Variants in PRKN observed in about 807,000 individuals in gnomAD.
PRKN encodes the protein parkin RBR E3 ubiquitin protein ligase.
In PRKN, 56 loss-of-function variants were observed where a neutral mutation model predicts 59.5. That is an observed-to-expected ratio of 0.94 (90% confidence interval 0.76 to 1.18). The LOEUF is 1.18. PRKN is among the 50% of genes most tolerant of loss of function. PRKN has a pLI of 0.00. For missense variants in PRKN, 657 were observed against 596.4 expected (o/e 1.10, Z -1.06); for synonymous variants, 250 against 222.1 (o/e 1.13, Z -1.12).
chr6:162,366,714 T>C (rs12206724), intron 2 of PRKN, among the ~76,000 whole-genome samples: 43,370 of 151,712 alleles, frequency 0.29, 6,364 homozygotes, highest in African/African-American at 0.31. Context: ...GAGACCAGCC[T>C]GACCAACATG....
chr6:161,598,284 C>A (rs139801368), intron 7 of PRKN, among the ~76,000 whole-genome samples: 2 of 152,184 alleles, frequency 1.3e-5, no homozygotes, highest in Admixed American at 1.3e-4. Context: ...GATGTATACA[C>A]GACAAACTTG....
At chr6:162,711,198 T>C (rs534798489) in intron 1 of PRKN, among the ~76,000 whole-genome samples, 1 of 152,340 alleles carries the variant, frequency 6.6e-6, no homozygotes, top group East Asian at 1.9e-4. Flanking sequence ...ACCAGGCATT[T>C]CATATTTTAC....
Position 161,529,754 on chromosome 6 carries a change from T to C in PRKN, c.1083+19100A>G, listed in dbSNP as rs954826374. ...GATTTATAAACATTATTGGTACAAC[T>C]GATTTTTGTCTCTGGCTGGAAAATT... On this transcript the variant is annotated intron_variant, in intron 9 of 11. Transcript: ENST00000366898. This position sits in a 1 kb window ranked among gnomAD's most constrained non-coding sequence, Gnocchi z 4.4. Among the ~76,000 whole-genome samples the C allele has an allele frequency of 6.6e-6, 1 of 152,246 alleles. No individual in the cohort carries two copies. The highest frequency in any genetic ancestry group is 2.4e-5 in the African/African-American group (1 of 41,470).
intron 9 of PRKN, among the ~76,000 whole-genome samples, chr6:161,426,755 G>C (rs1490883289): frequency 6.6e-6 from 1 of 151,430 alleles, no homozygotes; most frequent in Non-Finnish European, 1.5e-5. Flanking sequence ...GTCTCGCTCT[G>C]TCACCCAGGC....
At chr6:161,374,938 C>G (rs1303780257) in intron 10 of PRKN, among the ~76,000 whole-genome samples, 1 of 152,126 alleles carries the variant, frequency 6.6e-6, no homozygotes, top group African/African-American at 2.4e-5. Context: ...CCTCTGGAAT[C>G]CAAAAGCCTT....
chr6:161,866,081 G>A lies in PRKN; in HGVS notation c.735-80173C>T, dbSNP rs76764436. 9.2e-3 allele frequency among the ~76,000 whole-genome samples: 1,398 copies of A among 152,172 alleles called. 40 individuals carry two copies. In the East Asian group the frequency reaches 0.11, roughly 12 times the overall value. ...TTGTTGTATCTCTGGGATTAGGGAGGCCCAAGGGTGGGGAGAGAGATGTGG... is the reference window on the plus strand; with the variant it reads ...TTGTTGTATCTCTGGGATTAGGGAGACCCAAGGGTGGGGAGAGAGATGTGG... On this transcript the variant is annotated intron_variant, in intron 6 of 11. Coordinates refer to ENST00000366898, the MANE Select transcript of PRKN (RefSeq NM_004562.3).
rs563630079 is a variant in PRKN, at chr6:161,560,237, C to T, written c.933+9118G>A. Among the ~76,000 whole-genome samples, 164 of 152,276 alleles carry T rather than the reference C, an allele frequency of 1.1e-3. No homozygotes were observed. The highest frequency in any genetic ancestry group is 2.2e-3 in the Non-Finnish European group (148 of 68,020). ...TATAATCAGCCTTTTGAAAGGTTTC[C>T]CTGTCCACACTGACTTAACTGAAAC... On this transcript the variant is annotated intron_variant, in intron 8 of 11. Transcript: ENST00000366898. The surrounding 1 kb of genome is among the most constrained non-coding windows in gnomAD (Gnocchi z 4.9).
intron 1 of PRKN, among the ~76,000 whole-genome samples, chr6:162,693,206 A>G (rs1777843422): frequency 6.6e-6 from 1 of 152,214 alleles, no homozygotes; most frequent in Non-Finnish European, 1.5e-5. Context: ...ATTCAACTGT[A>G]TAAGATGTAT....
chr6:162,641,048 A>G (rs1777939376), intron 1 of PRKN, among the ~76,000 whole-genome samples: 1 of 152,210 alleles, frequency 6.6e-6, no homozygotes, highest in South Asian at 2.1e-4. Context: ...TATGATGGAT[A>G]GCAGAGGCAC....
intron 6 of PRKN, among the ~76,000 whole-genome samples, chr6:161,962,496 A>C (rs1780416667): frequency 6.6e-6 from 1 of 152,024 alleles, no homozygotes; most frequent in African/African-American, 2.4e-5. Context: ...AACTGTTAAC[A>C]AAGTTCTAGC....
Position 162,242,746 on chromosome 6 carries a change from T to C in PRKN, c.412+19779A>G, listed in dbSNP as rs368118367. Among the ~76,000 whole-genome samples, 242 of 152,254 alleles carry C rather than the reference T, an allele frequency of 1.6e-3. 2 individuals are homozygous for C. The highest frequency in any genetic ancestry group is 5.4e-3 in the African/African-American group (224 of 41,556). ...CCTCACCTGTTGCAGGCTTTACACC[T>C]ACAGAGAGGCAGCTCCTCTTTGCCC... On this transcript the variant is annotated intron_variant, in intron 3 of 11. Coordinates refer to ENST00000366898, the MANE Select transcript of PRKN (RefSeq NM_004562.3).
At chr6:161,870,193 A>G (rs1416530287) in intron 6 of PRKN, among the ~76,000 whole-genome samples, 1 of 152,170 alleles carries the variant, frequency 6.6e-6, no homozygotes. Flanking sequence ...TACGTTTCCT[A>G]ATATTAAGAT....
chr6:161,539,899 C>T (rs190228348), intron 9 of PRKN, among the ~76,000 whole-genome samples: 173 of 152,304 alleles, frequency 1.1e-3, no homozygotes, highest in South Asian at 2.9e-3. Flanking sequence ...CCTTACTCTT[C>T]ATAACAGAGT....
intron 1 of PRKN, among the ~76,000 whole-genome samples, chr6:162,512,145 G>A (rs1000413182): frequency 6.6e-6 from 1 of 152,136 alleles, no homozygotes; most frequent in Non-Finnish European, 1.5e-5. Context: ...AAATTAAAGT[G>A]GAAGAATGAA....
chr6:162,460,430 C>T (rs7451668), intron 1 of PRKN, among the ~76,000 whole-genome samples: 9 of 152,146 alleles, frequency 5.9e-5, no homozygotes, highest in Middle Eastern at 3.4e-3. Context: ...TGATGAAAAT[C>T]AAAATTGACT....
intron 9 of PRKN, among the ~76,000 whole-genome samples, chr6:161,537,704 G>T (rs1225320479): frequency 2.0e-5 from 3 of 152,188 alleles, no homozygotes; most frequent in East Asian, 3.9e-4. Context: ...GCCCGCCTTA[G>T]CCTCCCAAAG....
chr6:162,300,279 C>T (rs935712052), intron 2 of PRKN, among the ~76,000 whole-genome samples: 6 of 150,546 alleles, frequency 4.0e-5, no homozygotes, highest in Admixed American at 6.6e-5. Context: ...AAAAAAAACA[C>T]ATTCTATCAG....
chr6:162,259,198 G>A lies in PRKN; in HGVS notation c.412+3327C>T, dbSNP rs370367283. 8.5e-5 allele frequency among the ~76,000 whole-genome samples: 13 copies of A among 152,274 alleles called. No homozygotes were observed. The South Asian group carries it at 1.7e-3, about 19-fold the overall frequency. On this transcript the variant is annotated intron_variant, in intron 3 of 11. Transcript: ENST00000366898. Reference sequence around the variant, plus strand: ...TTTATGTGTTTAATATGTGAAGTACGTAAAGAGGAATGGTCTCAGGCTGCT... The same window carrying A: ...TTTATGTGTTTAATATGTGAAGTACATAAAGAGGAATGGTCTCAGGCTGCT...
chr6:161,638,354 C>T (rs1783607538), intron 7 of PRKN, among the ~76,000 whole-genome samples: 1 of 152,114 alleles, frequency 6.6e-6, no homozygotes, highest in Admixed American at 6.5e-5. Context: ...AGGGTAGTCT[C>T]GAACTCCTCA....
Sources: allele counts gnomAD v4.1 joint callset (sites outside exome capture counted in the v4.1 genomes callset), GRCh38; gene constraint gnomAD v4.1.1; non-coding constraint Gnocchi (gnomAD v3.1); transcripts MANE v1.5; gene names NCBI Gene and HGNC (gene_info 2026-07-23, HGNC 2026-07-21).